GREM2: variants seen among roughly 807,000 people sequenced by gnomAD.
GREM2 encodes gremlin 2, DAN family BMP antagonist.
Under a neutral mutation model 14.2 loss-of-function variants are expected in GREM2, and 11 were observed. The ratio of observed to expected loss-of-function variants is 0.78; its 90% CI spans 0.49 to 1.28. GREM2 has a LOEUF of 1.28. Among genes scored for constraint, GREM2 ranks in the 50% most tolerant of loss-of-function variants. The pLI is 0.00. For synonymous variants in GREM2, 98 were observed against 97.6 expected (o/e 1.00, Z -0.02); for missense variants, 210 against 218.5 (o/e 0.96, Z 0.24).
chr1:240,571,199 C>T (rs1279267648), intron 1 of GREM2, among the ~76,000 whole-genome samples: 5 of 152,110 alleles, frequency 3.3e-5, no homozygotes, highest in African/African-American at 1.2e-4. Flanking sequence ...AAAGAACATT[C>T]CCTACCACAG....
chr1:240,544,417 G>T (rs1006137403), intron 1 of GREM2, among the ~76,000 whole-genome samples: 1 of 152,162 alleles, frequency 6.6e-6, no homozygotes, highest in African/African-American at 2.4e-5. Flanking sequence ...AAAGTGCTGG[G>T]ATTACAGGCG....
intron 1 of GREM2, among the ~76,000 whole-genome samples, chr1:240,596,105 C>T (rs1243608603): frequency 6.6e-6 from 1 of 152,086 alleles, no homozygotes; most frequent in Non-Finnish European, 1.5e-5. Context: ...ATTGTGTAGG[C>T]TGAATGATCG....
chr1:240,509,302 G>A (rs1214074107), intron 1 of GREM2, among the ~76,000 whole-genome samples: 4 of 151,648 alleles, frequency 2.6e-5, no homozygotes, highest in Admixed American at 6.6e-5. Context: ...CAACTCAGGT[G>A]TAGTGAAGGT....
At chr1:240,596,210 T>C (rs1679816241) in intron 1 of GREM2, among the ~76,000 whole-genome samples, 1 of 150,882 alleles carries the variant, frequency 6.6e-6, no homozygotes, top group African/African-American at 2.5e-5. Context: ...AAATATAACT[T>C]AGAATCCTAA....
chr1:240,591,580 T>C (rs921255420), intron 1 of GREM2, among the ~76,000 whole-genome samples: 6 of 152,144 alleles, frequency 3.9e-5, no homozygotes, highest in African/African-American at 1.4e-4. Flanking sequence ...CTTGCCCACA[T>C]CTCCCACCTT....
At position 240,603,744 on chromosome 1, in the gene GREM2, TATATACATAC is replaced by T. The variant is rs888934600; in HGVS notation, c.-2+8130_-2+8139del. Among the ~76,000 whole-genome samples, 4 of 152,218 alleles carry T rather than the reference TATATACATAC, an allele frequency of 2.6e-5. No individual in the cohort carries two copies. The East Asian group carries it at 5.8e-4, about 22-fold the overall frequency. On this transcript the variant is annotated intron_variant, in intron 1 of 1. Coordinates refer to ENST00000318160, the MANE Select transcript of GREM2 (RefSeq NM_022469.4). ...GTATATACTATTACAAGGCAAGCTA[TATATACATAC>T]ATATACATACACACACACATATATG...
intron 1 of GREM2, among the ~76,000 whole-genome samples, chr1:240,535,493 A>G (rs942669044): frequency 3.9e-5 from 6 of 152,232 alleles, no homozygotes; most frequent in Non-Finnish European, 8.8e-5. Flanking sequence ...CAATGTTTAA[A>G]GGACGAATGT....
At position 240,493,164 on chromosome 1, in the gene GREM2, G is replaced by C. The variant is rs1287712914; in HGVS notation, c.312C>G (p.Phe104Leu). The C allele has an allele frequency of 1.9e-6, 3 of 1,614,098 alleles. No homozygotes were observed. In the South Asian group the frequency reaches 3.3e-5, roughly 18 times the overall value. ...CCTTCTTCACGTGCCGCGGGATGTA[G>C]AAGGAGTTGCACTGGCCGTAGCAGA... is the stretch of plus-strand genomic sequence containing the variant. ...NRFCYGQCNS[F>L]YIPRHVKKEE... is the part of the protein sequence containing the mutation. Residue 104 changes from phenylalanine to leucine, a missense_variant, in exon 2 of 2, where the codon TTC (phenylalanine) becomes TTG (leucine). Phe to Leu is a conservative substitution (Grantham distance 22). Coordinates refer to ENST00000318160, the MANE Select transcript of GREM2 (RefSeq NM_022469.4).
At chr1:240,569,559 T>C (rs1679222447) in intron 1 of GREM2, among the ~76,000 whole-genome samples, 1 of 152,174 alleles carries the variant, frequency 6.6e-6, no homozygotes, top group Admixed American at 6.5e-5. Context: ...CGTAGACAAC[T>C]AATTTTTGAC....
chr1:240,546,846 C>T (rs1274883470), intron 1 of GREM2, among the ~76,000 whole-genome samples: 1 of 151,602 alleles, frequency 6.6e-6, no homozygotes, highest in Non-Finnish European at 1.5e-5. Flanking sequence ...GAAGAGGTAA[C>T]TCGTTCTTCA....
At chr1:240,574,979 C>T (rs1172660388) in intron 1 of GREM2, among the ~76,000 whole-genome samples, 5 of 151,850 alleles carry the variant, frequency 3.3e-5, no homozygotes, top group African/African-American at 9.7e-5. Context: ...TGTTGGCGTG[C>T]GCCTGTACTC....
intron 1 of GREM2, among the ~76,000 whole-genome samples, chr1:240,594,718 T>TTA (rs953107911): frequency 2.0e-5 from 3 of 151,756 alleles, no homozygotes; most frequent in African/African-American, 7.3e-5. Flanking sequence ...ACATGAATAT[T>TTA]TATATATATG....
chr1:240,494,792 T>C (rs1677369577), intron 1 of GREM2, among the ~76,000 whole-genome samples: 1 of 151,984 alleles, frequency 6.6e-6, no homozygotes, highest in Admixed American at 6.6e-5. Flanking sequence ...TCCCAGCTAC[T>C]TGGGAGGCTG....
At chr1:240,547,682 T>C (rs1372867947) in intron 1 of GREM2, among the ~76,000 whole-genome samples, 1 of 151,686 alleles carries the variant, frequency 6.6e-6, no homozygotes, top group Non-Finnish European at 1.5e-5. Flanking sequence ...ATCTTGTAAA[T>C]GAAAAGCTTC....
intron 1 of GREM2, among the ~76,000 whole-genome samples, chr1:240,507,148 C>T (rs568458370): frequency 6.6e-6 from 1 of 152,300 alleles, no homozygotes; most frequent in Admixed American, 6.5e-5. Flanking sequence ...AAATTGCTCT[C>T]CAGCGATGCC....
chr1:240,512,430 T>A (rs1677853365), intron 1 of GREM2, among the ~76,000 whole-genome samples: 3 of 43,228 alleles, frequency 6.9e-5, no homozygotes, highest in Admixed American at 5.6e-4. Context: ...GAAGTTATAA[T>A]TAAAATTCCA....
At chr1:240,605,207 G>A (rs567899517) in intron 1 of GREM2, among the ~76,000 whole-genome samples, 3 of 152,274 alleles carry the variant, frequency 2.0e-5, no homozygotes, top group Admixed American at 2.0e-4. Context: ...CTGCTGGCGA[G>A]TGTACCCTTT....
chr1:240,569,554 A>G (rs1679222287), intron 1 of GREM2, among the ~76,000 whole-genome samples: 1 of 152,212 alleles, frequency 6.6e-6, no homozygotes, highest in Non-Finnish European at 1.5e-5. Flanking sequence ...ACATACGTAG[A>G]CAACTAATTT....
rs72752861 is a variant in GREM2, at chr1:240,557,416, A to G, written c.-2+54468T>C. Among the ~76,000 whole-genome samples, 1,464 of 152,188 alleles carry G rather than the reference A, an allele frequency of 9.6e-3. 9 individuals are homozygous for G. Among genetic ancestry groups the G allele is most frequent in the Non-Finnish European group, 0.014 (983 of 68,008 alleles). ...AGGAGAAGAACCCAAAATTCTCCTGAAAAAGAAAACAACCACCAAAATAGT... is the reference window on the plus strand; with the variant it reads ...AGGAGAAGAACCCAAAATTCTCCTGGAAAAGAAAACAACCACCAAAATAGT... On this transcript the variant is annotated intron_variant, in intron 1 of 1. Coordinates refer to ENST00000318160, the MANE Select transcript of GREM2 (RefSeq NM_022469.4).
Sources: allele counts gnomAD v4.1 joint callset (sites outside exome capture counted in the v4.1 genomes callset), GRCh38; gene constraint gnomAD v4.1.1; transcripts MANE v1.5; gene names NCBI Gene and HGNC (gene_info 2026-07-23, HGNC 2026-07-21).